The following NCKAP5 variants were observed in gnomAD, a reference collection of about 807,000 sequenced individuals.
The protein encoded by NCKAP5 is nck-associated protein 5.
A neutral mutation model predicts 167.0 loss-of-function variants in NCKAP5; 92 were observed. That is an observed-to-expected ratio of 0.55 (90% confidence interval 0.47 to 0.66). The LOEUF (loss-of-function observed/expected upper bound fraction) is 0.66, where lower values mean the gene tolerates loss of function less well. Ranked by LOEUF, NCKAP5 falls within the 30% of genes least tolerant of loss-of-function variation. The pLI is 0.00. For missense variants in NCKAP5, 2,378 were observed against 2,315.0 expected (o/e 1.03, Z -0.56); for synonymous variants, 891 against 877.4 (o/e 1.02, Z -0.27).
chr2:133,089,340 C>T (rs1362922481), intron 6 of NCKAP5, among the ~76,000 whole-genome samples: 21 of 152,134 alleles, frequency 1.4e-4, no homozygotes, highest in Admixed American at 1.4e-3. Context: ...TAATAAGTTT[C>T]AATGAGGTCT....
intron 8 of NCKAP5, among the ~76,000 whole-genome samples, chr2:132,924,671 G>C (rs1437460738): frequency 6.6e-6 from 1 of 152,114 alleles, no homozygotes; most frequent in African/African-American, 2.4e-5. Flanking sequence ...GATTATGAAA[G>C]GTTTAAATAA....
intron 12 of NCKAP5, among the ~76,000 whole-genome samples, chr2:132,791,348 A>T (rs1389346526): frequency 1.3e-5 from 2 of 152,194 alleles, no homozygotes; most frequent in African/African-American, 4.8e-5. Context: ...TAACCCTCAC[A>T]TCAGGTAGGT....
intron 4 of NCKAP5, among the ~76,000 whole-genome samples, chr2:133,253,763 A>G (rs77193920): frequency 0.012 from 1,879 of 152,320 alleles, 48 homozygotes; most frequent in African/African-American, 0.043. Context: ...AAAAAAAGGG[A>G]AAATATATGT....
intron 7 of NCKAP5, among the ~76,000 whole-genome samples, chr2:132,971,934 G>C (rs527838060): frequency 6.6e-6 from 1 of 152,334 alleles, no homozygotes; most frequent in Non-Finnish European, 1.5e-5. Context: ...TCTAATCCAA[G>C]ACTAAGTGCG....
chr2:133,398,331 T>C (rs555583375), intron 3 of NCKAP5, among the ~76,000 whole-genome samples: 53 of 152,336 alleles, frequency 3.5e-4, no homozygotes, highest in Admixed American at 3.5e-3. Context: ...GCTTAAAACC[T>C]AGATGATGGG....
the NCKAP5 span, among the ~76,000 whole-genome samples, chr2:133,594,426 G>T: frequency 6.6e-6 from 1 of 152,080 alleles, no homozygotes; most frequent in Non-Finnish European, 1.5e-5. Context: ...CATCATGCTA[G>T]TGTCCCACAT....
At chr2:132,839,955 G>A (rs954496026) in intron 11 of NCKAP5, among the ~76,000 whole-genome samples, 9 of 151,916 alleles carry the variant, frequency 5.9e-5, no homozygotes, top group Non-Finnish European at 1.2e-4. Context: ...TTACAGTAGC[G>A]TACTGTATTT....
intron 3 of NCKAP5, among the ~76,000 whole-genome samples, chr2:133,390,595 CATCTCCCCAGCCAG>C (rs1406439768): frequency 6.6e-6 from 1 of 152,204 alleles, no homozygotes; most frequent in Admixed American, 6.5e-5. Context: ...GCTCCTTCCT[CATCTCCCCAGCCAG>C]GACTGCCATC....
intron 2 of NCKAP5, among the ~76,000 whole-genome samples, chr2:133,539,589 C>T (rs1470910745): frequency 6.6e-6 from 1 of 151,384 alleles, no homozygotes; most frequent in Non-Finnish European, 1.5e-5. Flanking sequence ...GAAACAAAAA[C>T]AAATGTATAG....
At chr2:133,288,957 C>A (rs1355082586) in intron 4 of NCKAP5, among the ~76,000 whole-genome samples, 7 of 152,186 alleles carry the variant, frequency 4.6e-5, no homozygotes, top group African/African-American at 1.7e-4. Context: ...GAAGTCATTT[C>A]TTCCAAACCA....
the NCKAP5 span, among the ~76,000 whole-genome samples, chr2:133,640,660 G>T: frequency 3.3e-5 from 5 of 152,164 alleles, no homozygotes; most frequent in South Asian, 2.1e-4. Context: ...TCAAAATGTA[G>T]GGTAAAGTCA....
intron 3 of NCKAP5, among the ~76,000 whole-genome samples, chr2:133,402,254 A>C (rs1688151493): frequency 6.6e-6 from 1 of 152,176 alleles, no homozygotes; most frequent in African/African-American, 2.4e-5. Context: ...GGTACCAAAC[A>C]CAGATCCAGA....
At chr2:132,800,890 T>C (rs940760977) in intron 11 of NCKAP5, among the ~76,000 whole-genome samples, 2 of 152,182 alleles carry the variant, frequency 1.3e-5, no homozygotes, top group Admixed American at 6.5e-5. Context: ...AATTTCTACA[T>C]TGTCCCAGTG....
chr2:133,297,061 TAAA>T lies in NCKAP5; in HGVS notation c.143+5973_143+5975del, dbSNP rs1352180063. 2.0e-5 allele frequency among the ~76,000 whole-genome samples: 3 copies of T among 152,202 alleles called. 1 individual carries two copies. Among genetic ancestry groups the T allele is most frequent in the Admixed American group, 2.0e-4 (3 of 15,284 alleles). The stretch of plus-strand genomic sequence containing the variant: ...AAATCAGAAATAGCAACAAATGATA[TAAA>T]AAAATTCTTTTTCTCCTAATATTAA... On this transcript the variant is annotated intron_variant, in intron 4 of 19. Transcript: ENST00000409261.
chr2:132,825,063 T>C (rs552588620), intron 11 of NCKAP5, among the ~76,000 whole-genome samples: 1 of 152,302 alleles, frequency 6.6e-6, no homozygotes, highest in South Asian at 2.1e-4. Context: ...GGCCCATGTA[T>C]TAGAGATCCC....
intron 3 of NCKAP5, among the ~76,000 whole-genome samples, chr2:133,354,052 A>AGCTACTT: frequency 6.6e-6 from 1 of 152,324 alleles, no homozygotes; most frequent in East Asian, 1.9e-4. Context: ...TGTAACACAC[A>AGCTACTT]GCTACTTGGG....
intron 6 of NCKAP5, among the ~76,000 whole-genome samples, chr2:133,006,601 C>T (rs534448373): frequency 1.4e-5 from 2 of 144,856 alleles, no homozygotes; most frequent in Admixed American, 7.1e-5. Flanking sequence ...CTACATCTCA[C>T]ACAGTTTTTA....
chr2:133,264,867 G>A (rs2089107507), intron 4 of NCKAP5: 1 of 152,158 alleles, frequency 6.6e-6, no homozygotes, highest in African/African-American at 2.4e-5. Context: ...GGGAAGGGAG[G>A]CTGCAGTTTG....
At position 132,672,829 on chromosome 2, in the gene NCKAP5, C is replaced by T; in HGVS notation, c.*460G>A. On this transcript the variant is annotated 3_prime_UTR_variant, in exon 20 of 20. Coordinates refer to ENST00000409261, the MANE Select transcript of NCKAP5 (RefSeq NM_207363.3). ...GTGTTTACGCTTAATCCTCTTGAAA[C>T]ACAATAAATGGAGTCTATCTTTATT... 1 of 382,298 alleles carries T rather than the reference C, an allele frequency of 2.6e-6. No homozygotes were observed. Among genetic ancestry groups the T allele is most frequent in the African/African-American group, 2.2e-5 (1 of 45,538 alleles). The allele number at this position is 382,298 out of a possible 1,614,324, so 23.7% of individuals were successfully genotyped here.
Sources: allele counts gnomAD v4.1 joint callset (sites outside exome capture counted in the v4.1 genomes callset), GRCh38; gene constraint gnomAD v4.1.1; transcripts MANE v1.5; gene names NCBI Gene and HGNC (gene_info 2026-07-23, HGNC 2026-07-21).